STK24: variants seen among roughly 807,000 people sequenced by gnomAD.
The protein encoded by STK24 is serine/threonine kinase 24.
STK24 carries 21 observed loss-of-function variants against 55.6 expected under a neutral mutation model. The observed-to-expected ratio is 0.38, with a 90% confidence interval of 0.27 to 0.54. The LOEUF (loss-of-function observed/expected upper bound fraction) is 0.54. Among genes scored for constraint, STK24 ranks in the 20% least tolerant of loss-of-function variants. The pLI is 0.79. For synonymous variants in STK24, 200 were observed against 215.2 expected, an observed-to-expected ratio of 0.93 and a Z score of 0.62; for missense variants, 383 against 538.4, an observed-to-expected ratio of 0.71 and a Z score of 2.86.
intron 1 of STK24, among the ~76,000 whole-genome samples, chr13:98,562,944 A>T (rs1173510594): frequency 6.6e-6 from 1 of 151,700 alleles, no homozygotes; most frequent in African/African-American, 2.4e-5. Flanking sequence ...AAAGGTAAAA[A>T]AAATTAAAAA....
intron 2 of STK24, among the ~76,000 whole-genome samples, chr13:98,501,211 G>A (rs1002676161): frequency 5.3e-5 from 8 of 152,228 alleles, no homozygotes; most frequent in African/African-American, 1.2e-4. Flanking sequence ...GCCTCACCGC[G>A]GAGTCACAGA....
At chr13:98,465,284 C>T (rs555495798) in intron 6 of STK24, among the ~76,000 whole-genome samples, 7 of 152,364 alleles carry the variant, frequency 4.6e-5, no homozygotes, top group Non-Finnish European at 7.3e-5. Context: ...CCTCCCTGTC[C>T]ATCCAAGGGT....
At chr13:98,559,158 G>A (rs1159124695) in intron 1 of STK24, among the ~76,000 whole-genome samples, 3 of 151,768 alleles carry the variant, frequency 2.0e-5, no homozygotes, top group Non-Finnish European at 4.4e-5. Flanking sequence ...TGGGCAACAA[G>A]AGCGAACTCC....
intron 1 of STK24, among the ~76,000 whole-genome samples, chr13:98,527,276 C>G (rs1446461748): frequency 6.6e-6 from 1 of 152,126 alleles, no homozygotes; most frequent in Non-Finnish European, 1.5e-5. Flanking sequence ...TTGGGACCAG[C>G]CTAGGCAACA....
At chr13:98,533,064 A>G (rs912715379) in intron 1 of STK24, among the ~76,000 whole-genome samples, 2 of 152,240 alleles carry the variant, frequency 1.3e-5, no homozygotes, top group Non-Finnish European at 2.9e-5. Context: ...TATGAATTGC[A>G]AAGTCTAGGT....
intron 2 of STK24, among the ~76,000 whole-genome samples, chr13:98,496,313 T>A (rs1463270602): frequency 1.4e-4 from 21 of 152,162 alleles, no homozygotes; most frequent in Non-Finnish European, 7.4e-5. Flanking sequence ...CAATCCAAAC[T>A]GAAGTCACAA....
chr13:98,479,803 AAAACAC>A (rs1376234967), intron 3 of STK24, among the ~76,000 whole-genome samples: 8 of 152,176 alleles, frequency 5.3e-5, no homozygotes, highest in Non-Finnish European at 1.5e-5. Flanking sequence ...GCCTACCTCC[AAAACAC>A]CCCTTCCCAA....
rs368728518 is a variant in STK24, at chr13:98,465,880, T to C, written c.783+496A>G. Among the ~76,000 whole-genome samples, 45 of 152,306 alleles carry C rather than the reference T, an allele frequency of 3.0e-4. No individual in the cohort carries two copies. The South Asian group carries it at 8.9e-3, about 30-fold the overall frequency. The stretch of plus-strand genomic sequence containing the variant: ...ACTGCTGTATGGCTCTGCCAGAGTC[T>C]ATTAAACCTAAAAAGAGAAAGTAGG... On this transcript the variant is annotated intron_variant, in intron 6 of 10. Transcript: ENST00000539966.
intron 6 of STK24, among the ~76,000 whole-genome samples, chr13:98,464,199 C>T (rs1893838382): frequency 6.6e-6 from 1 of 152,008 alleles, no homozygotes; most frequent in Admixed American, 6.6e-5. Context: ...GGGCAGATCA[C>T]GAGGTCAGGA....
Position 98,446,897 on chromosome 13 carries a change from C to A in STK24, c.*6276G>T. 1 of 1,473,772 alleles carries A rather than the reference C, an allele frequency of 6.8e-7. No individual in the cohort carries two copies. Among genetic ancestry groups the A allele is most frequent in the Non-Finnish European group, 9.4e-7 (1 of 1,065,990 alleles). 91.3% of individuals were successfully genotyped at this position (1,473,772 alleles called of 1,614,324 possible). A position where few individuals can be genotyped will look rare whatever the true frequency, so the allele number is the denominator to read the frequency against. ...AACATCAGGATTTCTCCCAAGTCAG[C>A]GAGTGAGATGGCCCCACCCTTCCCT... is the stretch of plus-strand genomic sequence containing the variant. On this transcript the variant is annotated 3_prime_UTR_variant, in exon 11 of 11. Transcript: ENST00000539966.
chr13:98,463,668 G>C, intron 7 of STK24, 23 bp downstream of exon 7: 1 of 1,610,062 alleles, frequency 6.2e-7, no homozygotes, highest in Non-Finnish European at 8.5e-7. Context: ...ACACATGCTT[G>C]GGTCACTCAG....
At chr13:98,576,196 C>CG in intron 1 of STK24, 1 of 985,390 alleles carries the variant, frequency 1.0e-6, no homozygotes, top group Non-Finnish European at 1.2e-6. Flanking sequence ...AAGTGGAACT[C>CG]GCGGTTACCT....
chr13:98,471,369 C>T (rs566701073), intron 5 of STK24, among the ~76,000 whole-genome samples: 1 of 152,144 alleles, frequency 6.6e-6, no homozygotes, highest in African/African-American at 2.4e-5. Flanking sequence ...AACATACCAT[C>T]GTAATGATCT....
At chr13:98,542,464 G>C (rs955097686) in intron 1 of STK24, among the ~76,000 whole-genome samples, 5 of 152,038 alleles carry the variant, frequency 3.3e-5, no homozygotes, top group South Asian at 2.1e-4. Context: ...ATGGTAACCA[G>C]AACAGGGCCA....
intron 1 of STK24, among the ~76,000 whole-genome samples, chr13:98,533,464 ATACT>A (rs1297442871): frequency 2.0e-5 from 3 of 152,268 alleles, no homozygotes; most frequent in East Asian, 3.9e-4. Flanking sequence ...CTATAAAAAA[ATACT>A]TAAGATAGAA....
intron 1 of STK24, among the ~76,000 whole-genome samples, chr13:98,539,133 A>G (rs1192792033): frequency 1.3e-5 from 2 of 148,682 alleles, no homozygotes; most frequent in African/African-American, 5.2e-5. Flanking sequence ...TTCCATTTCC[A>G]TTCGGCTCAC....
intron 1 of STK24, among the ~76,000 whole-genome samples, chr13:98,520,385 C>CT (rs1326144895): frequency 1.3e-5 from 2 of 152,214 alleles, no homozygotes; most frequent in Non-Finnish European, 2.9e-5. Context: ...AGGAAGGACT[C>CT]TAAGAGACAC....
At chr13:98,575,423 A>ACACG (rs1201538230) in intron 1 of STK24, among the ~76,000 whole-genome samples, 14 of 150,334 alleles carry the variant, frequency 9.3e-5, no homozygotes, top group Non-Finnish European at 1.9e-4. Context: ...ACACACACAC[A>ACACG]CACACATATA....
rs7323180 is a variant in STK24, at chr13:98,516,440, A to T, written c.273+2803T>A. On this transcript the variant is annotated intron_variant, in intron 2 of 10. Transcript: ENST00000539966. Reference sequence around the variant, plus strand: ...CCCTGAGCTATTCCACTTCCTACAGAGATGAAGTGACTTTGAAAAGGCCAG... The same window carrying T: ...CCCTGAGCTATTCCACTTCCTACAGTGATGAAGTGACTTTGAAAAGGCCAG... Among the ~76,000 whole-genome samples the T allele has an allele frequency of 8.4e-3, 1,279 of 152,288 alleles. 21 individuals carry two copies. The highest frequency in any genetic ancestry group is 0.028 in the African/African-American group (1,181 of 41,554).
Sources: gnomAD v4.1 joint callset for allele counts (sites outside exome capture counted in the v4.1 genomes callset) on GRCh38, gnomAD v4.1.1 for gene constraint, MANE v1.5 for transcripts, NCBI Gene and HGNC (gene_info 2026-07-23, HGNC 2026-07-21) for gene names.